AFG1L: variants seen among roughly 807,000 people sequenced by gnomAD.
The protein encoded by AFG1L is AFG1 like ATPase, also known as AFG1-like ATPase.
A neutral mutation model predicts 62.2 loss-of-function variants in AFG1L; 53 were observed. That is an observed-to-expected ratio of 0.85 (90% CI 0.68 to 1.07). AFG1L has a LOEUF of 1.07. Among genes scored for constraint, AFG1L ranks in the 50% least tolerant of loss-of-function variants. The probability of loss-of-function intolerance (pLI) is 0.00; values close to 1 mark genes in which losing one functional copy is unlikely to be tolerated. For synonymous variants in AFG1L, 228 were observed against 210.3 expected, an observed-to-expected ratio of 1.08 and a Z score of -0.73; for missense variants, 555 against 590.5, an observed-to-expected ratio of 0.94 and a Z score of 0.62.
At chr6:108,324,743 G>A (rs1777969670) in intron 2 of AFG1L, among the ~76,000 whole-genome samples, 1 of 150,650 alleles carries the variant, frequency 6.6e-6, no homozygotes, top group Non-Finnish European at 1.5e-5. Flanking sequence ...TTGGGCTGGA[G>A]TGCAGTGGCA....
intron 7 of AFG1L, among the ~76,000 whole-genome samples, chr6:108,404,847 C>T (rs1208056739): frequency 6.6e-5 from 10 of 152,198 alleles, no homozygotes; most frequent in Non-Finnish European, 1.5e-5. Flanking sequence ...CCTGCCTTAG[C>T]CTCCTGAGTA....
At chr6:108,444,725 TA>T (rs1771691351) in intron 7 of AFG1L, among the ~76,000 whole-genome samples, 1 of 152,222 alleles carries the variant, frequency 6.6e-6, no homozygotes, top group Non-Finnish European at 1.5e-5. Context: ...ACAGTAGGCT[TA>T]AAATATTTAG....
At chr6:108,448,815 A>G (rs1009695022) in intron 8 of AFG1L, among the ~76,000 whole-genome samples, 29 of 152,156 alleles carry the variant, frequency 1.9e-4, no homozygotes, top group Non-Finnish European at 2.8e-4. Flanking sequence ...CAGACCTACA[A>G]AGGACACCAG....
intron 5 of AFG1L, among the ~76,000 whole-genome samples, chr6:108,362,465 T>G (rs1007680436): frequency 6.6e-6 from 1 of 152,222 alleles, no homozygotes; most frequent in African/African-American, 2.4e-5. Context: ...CTAAATATAA[T>G]TCTAGCTACA....
rs147480760 is a variant in AFG1L, at chr6:108,347,006, C to G, written c.382C>G (p.Pro128Ala). ...TTTGCAGCTTTTTTCAAGGAGCAAACCTCCAAGGGGCCTGTATGTTTATGG... is the reference window on the plus strand; with the variant it reads ...TTTGCAGCTTTTTTCAAGGAGCAAAGCTCCAAGGGGCCTGTATGTTTATGG... ...LFSKLFSRSK[P>A]PRGLYVYGDV... The change falls in exon 3 of 13, where the codon CCT (proline) becomes GCT (alanine). Residue 128 changes from proline to alanine, a missense_variant. Coordinates refer to ENST00000368977, the MANE Select transcript of AFG1L (RefSeq NM_145315.5). 1.6e-3 allele frequency: 2,647 copies of G among 1,613,082 alleles called. 2 individuals carry two copies. The highest frequency in any genetic ancestry group is 2.1e-3 in the Non-Finnish European group (2,467 of 1,179,356).
intron 10 of AFG1L, among the ~76,000 whole-genome samples, chr6:108,485,272 A>G (rs1421299984): frequency 1.3e-5 from 2 of 152,122 alleles, no homozygotes; most frequent in African/African-American, 4.8e-5. Flanking sequence ...TCTGCAGGAG[A>G]AAACGTGCTT....
At chr6:108,405,839 A>G (rs569004236) in intron 7 of AFG1L, among the ~76,000 whole-genome samples, 1 of 152,120 alleles carries the variant, frequency 6.6e-6, no homozygotes, top group Non-Finnish European at 1.5e-5. Flanking sequence ...GCCTCTGTGA[A>G]TTTGTCTTTT....
rs78992056 is a variant in AFG1L, at chr6:108,309,684, T to C, written c.140-14141T>C. Among the ~76,000 whole-genome samples, 1,229 of 152,350 alleles carry C rather than the reference T, an allele frequency of 8.1e-3. 8 individuals are homozygous for C. Among genetic ancestry groups the C allele is most frequent in the Non-Finnish European group, 0.015 (997 of 68,028 alleles). ...TCTACTTTTTCTCAACTGTAGGTTT[T>C]ATGAAGTCTAAATACAGATTAAATA... On this transcript the variant is annotated intron_variant, in intron 1 of 12. Transcript: ENST00000368977.
chr6:108,522,219 T>A, intron 12 of AFG1L, 78 bp from the exon 13 acceptor site: 3 of 1,445,332 alleles, frequency 2.1e-6, no homozygotes, highest in African/African-American at 2.8e-5. Context: ...GCCTAAAAAG[T>A]TTTTTTAAAC....
chr6:108,346,796 G>A lies in AFG1L; in HGVS notation c.364-192G>A, dbSNP rs1201582544. On this transcript the variant is annotated intron_variant, in intron 2 of 12. Transcript: ENST00000368977. ...GTCCCCAATGTTCATTCATGTATAC[G>A]TTAGAGTTTTTTCCCTTTTTAAGGC... Among the ~76,000 whole-genome samples the A allele has an allele frequency of 6.6e-5, 10 of 152,182 alleles. No homozygotes were observed. In the South Asian group the frequency reaches 1.0e-3, roughly 16 times the overall value.
chr6:108,484,926 T>C (rs1000243253), intron 10 of AFG1L, among the ~76,000 whole-genome samples: 1 of 152,196 alleles, frequency 6.6e-6, no homozygotes, highest in East Asian at 1.9e-4. Flanking sequence ...TAAAAGTTGT[T>C]GATTTTTTTT....
At chr6:108,498,625 T>C (rs1774059688) in intron 10 of AFG1L, among the ~76,000 whole-genome samples, 2 of 152,210 alleles carry the variant, frequency 1.3e-5, no homozygotes, top group African/African-American at 4.8e-5. Flanking sequence ...AAAACATTCA[T>C]TATATTTCTG....
intron 8 of AFG1L, among the ~76,000 whole-genome samples, chr6:108,472,209 G>A (rs1772923899): frequency 6.6e-6 from 1 of 152,112 alleles, no homozygotes; most frequent in African/African-American, 2.4e-5. Flanking sequence ...CCAGGGATGG[G>A]GGTTGAGTGA....
intron 1 of AFG1L, among the ~76,000 whole-genome samples, chr6:108,317,708 G>A (rs1028696065): frequency 2.0e-5 from 3 of 152,086 alleles, no homozygotes; most frequent in African/African-American, 7.2e-5. Context: ...TTTGAGAAAT[G>A]GTGGGGTTAG....
At chr6:108,356,610 T>C (rs1582428282) in intron 4 of AFG1L, 80 bp from the exon 5 acceptor site, 1 of 1,003,002 alleles carries the variant, frequency 1.0e-6, no homozygotes, top group Non-Finnish European at 1.4e-6. Context: ...TAAAGTTTCA[T>C]TTAGAGATTT....
chr6:108,326,129 G>T (rs529842576), intron 2 of AFG1L, among the ~76,000 whole-genome samples: 51 of 152,100 alleles, frequency 3.4e-4, no homozygotes, highest in Admixed American at 9.2e-4. Flanking sequence ...GGGTGCAGTA[G>T]CACAATCATA....
chr6:108,483,410 A>G (rs1773404567), intron 10 of AFG1L, among the ~76,000 whole-genome samples: 1 of 152,212 alleles, frequency 6.6e-6, no homozygotes, highest in African/African-American at 2.4e-5. Context: ...TTTTAAAAGT[A>G]TAAAGGAGTC....
chr6:108,371,663 C>T (rs1780014051), intron 6 of AFG1L, among the ~76,000 whole-genome samples: 1 of 152,048 alleles, frequency 6.6e-6, no homozygotes. Flanking sequence ...CTGTGCCTGG[C>T]ATGATTACTA....
chr6:108,299,847 CAGA>C (rs1776911120), intron 1 of AFG1L, among the ~76,000 whole-genome samples: 1 of 152,038 alleles, frequency 6.6e-6, no homozygotes, highest in Non-Finnish European at 1.5e-5. Context: ...ATTTTGTGAG[CAGA>C]AGAAGGGGGC....
Sources: allele counts gnomAD v4.1 joint callset (sites outside exome capture counted in the v4.1 genomes callset), GRCh38; gene constraint gnomAD v4.1.1; transcripts MANE v1.5; gene names NCBI Gene and HGNC (gene_info 2026-07-23, HGNC 2026-07-21).